The following CEP290 variants were observed in gnomAD, a reference collection of about 807,000 sequenced individuals.
The protein encoded by CEP290 is centrosomal protein of 290 kDa.
A neutral mutation model predicts 344.9 loss-of-function variants in CEP290; 317 were observed. The ratio of observed to expected loss-of-function variants is 0.92; its 90% CI spans 0.84 to 1.01. The LOEUF is 1.01. CEP290 is among the 50% of genes least tolerant of loss of function. CEP290 has a pLI of 0.00. For missense variants in CEP290, 2,754 were observed against 2,761.4 expected (o/e 1.00, Z 0.06); for synonymous variants, 932 against 895.8 (o/e 1.04, Z -0.72).
In CEP290 at chr12:88,104,640, A is replaced by G. The variant is rs188501414; in HGVS notation, c.2818-1629T>C. Among the ~76,000 whole-genome samples the G allele has an allele frequency of 1.4e-4, 22 of 152,182 alleles. No individual in the cohort carries two copies. In the East Asian group the frequency reaches 4.0e-3, roughly 28 times the overall value. ...CCTAACTATATATCAAATGTATAAC[A>G]TAACCGCATGAAGACAATTATTTCA... On this transcript the variant is annotated intron_variant, in intron 25 of 53. Coordinates refer to ENST00000552810, the MANE Select transcript of CEP290 (RefSeq NM_025114.4).
intron 43 of CEP290, among the ~76,000 whole-genome samples, chr12:88,069,236 A>T (rs2136923351): frequency 6.6e-6 from 1 of 152,292 alleles, no homozygotes; most frequent in Middle Eastern, 3.4e-3. Flanking sequence ...TATCTCTGCT[A>T]GGGTTCTCCT....
chr12:88,054,437 A>C, intron 50 of CEP290, 24 bp from the exon 51 acceptor site: 1 of 1,532,950 alleles, frequency 6.5e-7, no homozygotes, highest in Non-Finnish European at 9.0e-7. Flanking sequence ...GAAAAGTTAG[A>C]AGATAAGGTT....
intron 17 of CEP290, 30 bp from the exon 18 acceptor site, chr12:88,117,175 A>C (rs1417424700): frequency 9.3e-7 from 1 of 1,074,906 alleles, no homozygotes; most frequent in Admixed American, 2.6e-5. Context: ...CAAACTAAAA[A>C]CATTAAAATA....
chr12:88,056,941 C>A lies in CEP290; in HGVS notation c.6819-1224G>T, dbSNP rs552117026. On this transcript the variant is annotated intron_variant, in intron 49 of 53. Coordinates refer to ENST00000552810, the MANE Select transcript of CEP290 (RefSeq NM_025114.4). ...ATTTGAGGTCAAGGATCAAAACGAG[C>A]CTTCTCTCTGTCAAGAGATTTCTAC... Among the ~76,000 whole-genome samples, 17 of 152,202 alleles carry A rather than the reference C, an allele frequency of 1.1e-4. No homozygotes were observed. The South Asian group carries it at 3.3e-3, about 30-fold the overall frequency.
At chr12:88,093,518 C>G (rs1432636184) in intron 28 of CEP290, 2 of 359,708 alleles carry the variant, frequency 5.6e-6, no homozygotes, top group South Asian at 8.6e-5. Context: ...AAAGGCAATT[C>G]CATTGTTTAG....
rs1592633932 is a variant in CEP290 at position 88,118,515 on chromosome 12, G to A, written c.1679C>T (p.Ala560Val). 5 of 1,568,030 alleles carry A rather than the reference G, an allele frequency of 3.2e-6. No homozygotes were observed. In the East Asian group the frequency reaches 1.2e-4, roughly 36 times the overall value. The change falls in exon 17 of 54, where the codon GCT (alanine) becomes GTT (valine). Residue 560 changes from alanine to valine, a missense_variant. By Grantham distance (64) the Ala-to-Val change is moderately conservative. Coordinates refer to ENST00000552810, the MANE Select transcript of CEP290 (RefSeq NM_025114.4). ...TGCACTTCTTTTTCCTCTTTCTTGAGCCATTTGACGAATTTTTTTTTTCAG... is the reference window on the plus strand; with the variant it reads ...TGCACTTCTTTTTCCTCTTTCTTGAACCATTTGACGAATTTTTTTTTTCAG... ...LDLKKKIRQM[A>V]QERGKRSATS...
chr12:88,104,817 T>C (rs1214263189), intron 25 of CEP290, among the ~76,000 whole-genome samples: 2 of 152,064 alleles, frequency 1.3e-5, no homozygotes, highest in Non-Finnish European at 2.9e-5. Context: ...AATTATTGTA[T>C]GTATATTGTA....
In CEP290 at chr12:88,064,016, G is replaced by T. The variant is rs753687613; in HGVS notation, c.6235C>A (p.Leu2079Ile). The change falls in exon 45 of 54, where the codon CTT (leucine) becomes ATT (isoleucine). Residue 2079 changes from leucine (L) to isoleucine (I), a missense_variant. Physicochemically the swap from Leu to Ile is conservative, Grantham distance 5. Coordinates refer to ENST00000552810, the MANE Select transcript of CEP290 (RefSeq NM_025114.4). ...SSENIELKFQ[L>I]EQANKDLPRL... is the part of the protein sequence containing the mutation. The stretch of plus-strand genomic sequence containing the variant: ...GGCAAATCTTTATTTGCTTGTTCAA[G>T]CTGAAATTTCAGTTCAATATTTTCA... The T allele has an allele frequency of 1.4e-5, 23 of 1,597,962 alleles. No homozygotes were observed. The highest frequency in any genetic ancestry group is 1.6e-5 in the Non-Finnish European group (19 of 1,171,984).
rs1258832459 is a variant in CEP290 at position 88,060,966 on chromosome 12, T to C, written c.6386A>G (p.Glu2129Gly). The change falls in exon 47 of 54, where the codon GAA (glutamate) becomes GGA (glycine). Residue 2129 changes from glutamate (E) to glycine (G), a missense_variant. By Grantham distance (98) the Glu-to-Gly change is moderately conservative. Coordinates refer to ENST00000552810, the MANE Select transcript of CEP290 (RefSeq NM_025114.4). ...CATTAAACCAATGGTTTTTTCCAGT[T>C]CTGGGATTGTCTTTCCACTTCTACC... The part of the protein sequence containing the change: ...GSGRSGKTIP[E>G]LEKTIGLMKK... The C allele has an allele frequency of 1.9e-6, 3 of 1,560,696 alleles. No homozygotes were observed. The highest frequency in any genetic ancestry group is 1.4e-5 in the African/African-American group (1 of 73,732).
In CEP290 at chr12:88,109,079, T is replaced by C. The variant is rs746999270; in HGVS notation, c.2470A>G (p.Lys824Glu). 2 of 1,337,698 alleles carry C rather than the reference T, an allele frequency of 1.5e-6. No individual in the cohort carries two copies. The highest frequency in any genetic ancestry group is 5.2e-5 in the East Asian group (2 of 38,508). The allele number at this position is 1,337,698 out of a possible 1,614,324, so 82.9% of individuals were successfully genotyped here. The change falls in exon 23 of 54, where the codon AAA (lysine) becomes GAA (glutamate). Residue 824 changes from lysine (K) to glutamate (E), a missense_variant. Lys to Glu is a moderately conservative substitution (Grantham distance 56). Transcript: ENST00000552810. ...TAATACCTATACCTTAGGTATTCTT[T>C]ATACAACAAACTTTGTTGATGACGA... ...VIRHQQSLLY[K>E]EYLSEKETWK...
chr12:88,120,321 GA>G, intron 14 of CEP290, 45 bp from the exon 15 acceptor site: 1 of 980,222 alleles, frequency 1.0e-6, no homozygotes, highest in Non-Finnish European at 1.4e-6. Context: ...TGGTTTACTT[GA>G]ATAAATTTAT....
At chr12:88,133,626 G>A (rs1214029940) in intron 6 of CEP290, among the ~76,000 whole-genome samples, 3 of 152,076 alleles carry the variant, frequency 2.0e-5, no homozygotes. Context: ...GATCTTCGAG[G>A]AATTGCCACA....
intron 52 of CEP290, among the ~76,000 whole-genome samples, chr12:88,051,194 CTTTT>C (rs11321423): frequency 2.3e-5 from 2 of 86,426 alleles, no homozygotes; most frequent in Admixed American, 1.2e-4. Flanking sequence ...GGACAAGTAT[CTTTT>C]TTTTTTTTTT....
chr12:88,086,208 T>C (rs373440680), intron 33 of CEP290, 35 bp from the exon 34 acceptor site: 1 of 1,598,832 alleles, frequency 6.3e-7, no homozygotes, highest in Admixed American at 1.8e-5. Flanking sequence ...AAAAAAGCAG[T>C]TGCAGCATTG....
Position 88,107,067 on chromosome 12 carries a change from T to C in CEP290, c.2515A>G (p.Thr839Ala), listed in dbSNP as rs1227513489. 6.4e-7 allele frequency: 1 copy of C among 1,552,396 alleles called. No individual in the cohort carries two copies. The highest frequency in any genetic ancestry group is 2.0e-5 in the Admixed American group (1 of 49,916). Reference sequence around the variant, plus strand: ...AGTTTTCTCTTTTCCTCTTTTATTGTTTTAGATTCTGTTTTCCAGGTCTCC... The same window carrying C: ...AGTTTTCTCTTTTCCTCTTTTATTGCTTTAGATTCTGTTTTCCAGGTCTCC... ...EKETWKTESK[T>A]IKEEKRKLED... is the part of the protein sequence containing the mutation. Residue 839 changes from threonine to alanine, a missense_variant, in exon 24 of 54, where the codon ACA (threonine) becomes GCA (alanine). Transcript: ENST00000552810.
At chr12:88,134,509 T>C (rs1029306060) in intron 6 of CEP290, among the ~76,000 whole-genome samples, 5 of 152,208 alleles carry the variant, frequency 3.3e-5, no homozygotes, top group African/African-American at 1.2e-4. Flanking sequence ...AAGAACCAAA[T>C]TCATTAGGAA....
At chr12:88,114,315 C>G in intron 20 of CEP290, 105 bp downstream of exon 20, 4 of 899,922 alleles carry the variant, frequency 4.4e-6, no homozygotes, top group Non-Finnish European at 6.3e-6. Context: ...AACAATGATT[C>G]AAATGACTAA....
At chr12:88,051,149 G>C (rs949288716) in intron 52 of CEP290, among the ~76,000 whole-genome samples, 1 of 150,202 alleles carries the variant, frequency 6.7e-6, no homozygotes, top group Non-Finnish European at 1.5e-5. Context: ...CTAAAAGTTT[G>C]CGAAAGTAAG....
intron 38 of CEP290, 83 bp from the exon 39 acceptor site, chr12:88,079,312 G>T: frequency 9.5e-7 from 1 of 1,048,848 alleles, no homozygotes; most frequent in Non-Finnish European, 1.3e-6. Flanking sequence ...AAATAAACAA[G>T]CTTTATTACT....
Sources: gnomAD v4.1 joint callset for allele counts (sites outside exome capture counted in the v4.1 genomes callset) on GRCh38, gnomAD v4.1.1 for gene constraint, MANE v1.5 for transcripts, NCBI Gene and HGNC (gene_info 2026-07-23, HGNC 2026-07-21) for gene names.